Variants in ZNF207 observed in about 807,000 individuals in gnomAD.
The protein encoded by ZNF207 is BUB3-interacting and GLEBS motif-containing protein ZNF207.
ZNF207 carries 24 observed loss-of-function variants against 60.2 expected under a neutral mutation model. That is an observed-to-expected ratio of 0.40 (90% CI 0.29 to 0.56). The LOEUF (loss-of-function observed/expected upper bound fraction) is 0.56, where lower values mean the gene tolerates loss of function less well. ZNF207 is among the 20% of genes least tolerant of loss of function. The probability of loss-of-function intolerance (pLI) is 0.49; values close to 1 mark genes in which losing one functional copy is unlikely to be tolerated. For synonymous variants in ZNF207, 236 were observed against 194.7 expected (o/e 1.21, Z -1.77); for missense variants, 452 against 636.6 (o/e 0.71, Z 3.12).
At position 32,373,318 on chromosome 17, in the gene ZNF207, TA is replaced by T. The variant is rs889506926; in HGVS notation, c.*3570del. On this transcript the variant is annotated 3_prime_UTR_variant, in exon 12 of 12. Transcript: ENST00000394670. ...TTGCTTGCTTGATCATTGGGATTTT[TA>T]AAAAAAAAAATTTTAATGCATGTCT... The T allele has an allele frequency of 7.7e-3, 4,156 of 538,772 alleles. 1 individual carries two copies. The highest frequency in any genetic ancestry group is 0.015 in the South Asian group (686 of 46,746). The allele number at this position is 538,772 out of a possible 1,614,324, so 33.4% of individuals were successfully genotyped here.
At chr17:32,353,679 GGGGA>G in intron 2 of ZNF207, among the ~76,000 whole-genome samples, 1 of 148,438 alleles carries the variant, frequency 6.7e-6, no homozygotes, top group East Asian at 2.0e-4. Flanking sequence ...ACGGGGGCGG[GGGGA>G]GGGCTGGGGG....
At chr17:32,360,414 C>G (rs774272088) in intron 3 of ZNF207, among the ~76,000 whole-genome samples, 184 bp from the exon 4 acceptor site, 187 of 151,912 alleles carry the variant, frequency 1.2e-3, no homozygotes, top group Non-Finnish European at 2.5e-3. Context: ...AGGGAAAGAA[C>G]GTTAATCTTG....
rs1905734699 is a variant in ZNF207 at position 32,377,943 on chromosome 17, T to C, written c.*8184T>C. On this transcript the variant is annotated 3_prime_UTR_variant, in exon 12 of 12. Coordinates refer to ENST00000394670, the MANE Select transcript of ZNF207 (RefSeq NM_001098507.2). Reference sequence around the variant, plus strand: ...CAGAATTTCAGCATTTGCTACTTACTGGTAGAGAAGAAAAATCCCACAGCC... The same window carrying C: ...CAGAATTTCAGCATTTGCTACTTACCGGTAGAGAAGAAAAATCCCACAGCC... The C allele has an allele frequency of 6.6e-6, 1 of 152,500 alleles. No homozygotes were observed. The highest frequency in any genetic ancestry group is 1.5e-5 in the Non-Finnish European group (1 of 67,900). The allele number at this position is 152,500 out of a possible 1,614,324, so 9.4% of individuals were successfully genotyped here.
In ZNF207 at chr17:32,360,674, G is replaced by C; in HGVS notation, c.384G>C (p.Gln128His). 6.2e-7 allele frequency: 1 copy of C among 1,613,910 alleles called. No homozygotes were observed. ...DDDSAASTSFQPQPVQPQQGY... is the reference protein window; with the variant it reads ...DDDSAASTSFHPQPVQPQQGY... ...ACTCTGCAGCCTCAACTTCATTTCA[G>C]CCACAGCCTGTTCAACCTCAGCAAG... The change falls in exon 4 of 12, where the codon CAG (glutamine) becomes CAC (histidine). Residue 128 changes from glutamine to histidine, a missense_variant. Physicochemically the swap from Gln to His is conservative, Grantham distance 24. Around this residue, in one of 2 missense-constraint regions of ZNF207, gnomAD observed 62 missense variants for 175.3 expected, o/e 0.35. Transcript: ENST00000394670.
intron 3 of ZNF207, 141 bp downstream of exon 3, chr17:32,358,782 T>G (rs1178011750): frequency 8.0e-6 from 5 of 625,904 alleles, no homozygotes; most frequent in Non-Finnish European, 1.2e-5. Context: ...CTCCGGGGTT[T>G]AAGTGATTGT....
intron 10 of ZNF207, chr17:32,368,234 C>T: frequency 1.7e-6 from 1 of 589,616 alleles, no homozygotes; most frequent in Non-Finnish European, 2.9e-6. Flanking sequence ...CCCCTTCCTC[C>T]AGACTGTTTC....
At chr17:32,357,568 C>T (rs945494291) in intron 2 of ZNF207, among the ~76,000 whole-genome samples, 16 of 151,614 alleles carry the variant, frequency 1.1e-4, no homozygotes, top group Middle Eastern at 3.4e-3. Context: ...AGGCTGGTCT[C>T]GAACTCTTGA....
intron 2 of ZNF207, 86 bp downstream of exon 2, chr17:32,351,998 G>C: frequency 7.3e-7 from 1 of 1,365,492 alleles, no homozygotes; most frequent in Non-Finnish European, 9.8e-7. Flanking sequence ...TTTGAGTTTC[G>C]GTCTTGTCGC....
At chr17:32,361,117 G>C (rs1011805403) in intron 5 of ZNF207, 150 bp downstream of exon 5, 1 of 824,688 alleles carries the variant, frequency 1.2e-6, no homozygotes, top group Non-Finnish European at 1.9e-6. Flanking sequence ...GGATCAACCA[G>C]TAAATTTAAG....
intron 3 of ZNF207, among the ~76,000 whole-genome samples, chr17:32,359,839 A>T (rs1263220018): frequency 1.3e-5 from 2 of 152,152 alleles, no homozygotes; most frequent in African/African-American, 4.8e-5. Context: ...TTGAGGCTTC[A>T]GTGAGCTGTG....
chr17:32,351,421 C>G, intron 1 of ZNF207: 1 of 1,299,032 alleles, frequency 7.7e-7, no homozygotes, highest in Non-Finnish European at 9.8e-7. Flanking sequence ...ATTGTCTTGA[C>G]AGAACCTTAG....
At chr17:32,362,877 A>G in intron 6 of ZNF207, 37 bp from the exon 7 acceptor site, 2 of 1,590,514 alleles carry the variant, frequency 1.3e-6, no homozygotes, top group Non-Finnish European at 1.7e-6. Context: ...TATGCTGTTC[A>G]TTAACTTACT....
At chr17:32,358,160 A>T (rs929017490) in intron 2 of ZNF207, among the ~76,000 whole-genome samples, 1 of 152,244 alleles carries the variant, frequency 6.6e-6, no homozygotes, top group East Asian at 1.9e-4. Flanking sequence ...GGATAGGACT[A>T]CTAGTTACTG....
intron 3 of ZNF207, 79 bp downstream of exon 3, chr17:32,358,720 C>G (rs1904688327): frequency 2.6e-6 from 3 of 1,136,896 alleles, no homozygotes; most frequent in African/African-American, 3.3e-5. Context: ...CTTACTCTGT[C>G]CAGCCGAGGC....
At position 32,367,773 on chromosome 17, in the gene ZNF207, C is replaced by G; in HGVS notation, c.923C>G (p.Ala308Gly). 1 of 1,613,966 alleles carries G rather than the reference C, an allele frequency of 6.2e-7. No individual in the cohort carries two copies. Among genetic ancestry groups the G allele is most frequent in the Non-Finnish European group, 8.5e-7 (1 of 1,179,950 alleles). ...TTGATGAAGTATTGTATTTTACAGGCTCAGGCAGCTGTCCAAGGACCTGTT... is the reference window on the plus strand; with the variant it reads ...TTGATGAAGTATTGTATTTTACAGGGTCAGGCAGCTGTCCAAGGACCTGTT... ...SKALFPSTAQ[A>G]QAAVQGPVGT... Residue 308 changes from alanine (A) to glycine (G), a missense_variant and splice_region_variant, in exon 10 of 12, where the codon GCT becomes GGT. Coordinates refer to ENST00000394670, the MANE Select transcript of ZNF207 (RefSeq NM_001098507.2).
rs2150804481 is a variant in ZNF207 at position 32,369,899 on chromosome 17, C to T, written c.*140C>T. 1 of 989,632 alleles carries T rather than the reference C, an allele frequency of 1.0e-6. No homozygotes were observed. Among genetic ancestry groups the T allele is most frequent in the Non-Finnish European group, 1.3e-6 (1 of 755,476 alleles). 61.3% of individuals were successfully genotyped at this position (989,632 alleles called of 1,614,324 possible). A position where few individuals can be genotyped will look rare whatever the true frequency, so the allele number is the denominator to read the frequency against. On this transcript the variant is annotated 3_prime_UTR_variant, in exon 12 of 12. Transcript: ENST00000394670. Reference sequence around the variant, plus strand: ...TTCCCACATACCAGGAACTATTGGACATTTATTTTACATGGGAAAAATTAT... The same window carrying T: ...TTCCCACATACCAGGAACTATTGGATATTTATTTTACATGGGAAAAATTAT...
chr17:32,358,306 A>C (rs530669217), intron 2 of ZNF207, among the ~76,000 whole-genome samples, 197 bp from the exon 3 acceptor site: 1 of 152,344 alleles, frequency 6.6e-6, no homozygotes, highest in South Asian at 2.1e-4. Flanking sequence ...GAAGTTAGCT[A>C]TTATATAGGT....
At chr17:32,367,278 TATATATAA>T (rs1195301986) in intron 9 of ZNF207, among the ~76,000 whole-genome samples, 2 of 103,294 alleles carry the variant, frequency 1.9e-5, no homozygotes, top group Admixed American at 1.8e-4. Flanking sequence ...TATATATATA[TATATATAA>T]AGAATACTAC....
chr17:32,360,506 AT>A, intron 3 of ZNF207, 91 bp from the exon 4 acceptor site: 1 of 1,249,186 alleles, frequency 8.0e-7, no homozygotes. Context: ...TCATGAAGTA[AT>A]TTTACCCATA....
Sources: allele counts gnomAD v4.1 joint callset (sites outside exome capture counted in the v4.1 genomes callset), GRCh38; gene constraint gnomAD v4.1.1; regional missense constraint gnomAD v4.1.1; transcripts MANE v1.5; gene names NCBI Gene and HGNC (gene_info 2026-07-23, HGNC 2026-07-21).